Variants in SOX6 observed in about 807,000 individuals in gnomAD.
SOX6 encodes the protein SRY-box transcription factor 6.
SOX6 carries 11 observed loss-of-function variants against 97.8 expected under a neutral mutation model. The ratio of observed to expected loss-of-function variants is 0.11; its 90% confidence interval spans 0.07 to 0.19. The LOEUF is 0.19. Among genes scored for constraint, SOX6 ranks in the 10% least tolerant of loss-of-function variants. The pLI is 1.00. For missense variants in SOX6, 810 were observed against 1,039.5 expected (o/e 0.78, Z 3.04); for synonymous variants, 360 against 371.4 (o/e 0.97, Z 0.35).
chr11:16,550,593 AT>A (rs1847672573), intron 4 of SOX6, among the ~76,000 whole-genome samples: 1 of 152,162 alleles, frequency 6.6e-6, no homozygotes, highest in Admixed American at 6.5e-5. Flanking sequence ...ATTGCTCTAA[AT>A]TATACCTTAA....
At chr11:16,578,241 G>A (rs559669296) in intron 4 of SOX6, among the ~76,000 whole-genome samples, 2 of 152,154 alleles carry the variant, frequency 1.3e-5, no homozygotes, top group South Asian at 4.1e-4. Flanking sequence ...TTTAAGAAGT[G>A]ATTTACTTGT....
intron 4 of SOX6, among the ~76,000 whole-genome samples, chr11:16,515,046 C>A (rs377473234): frequency 6.6e-6 from 1 of 151,280 alleles, no homozygotes; most frequent in African/African-American, 2.4e-5. Context: ...ATTTATAGTC[C>A]TTTGGGTATA....
intron 1 of SOX6, among the ~76,000 whole-genome samples, chr11:16,424,989 A>G (rs1320609001): frequency 3.3e-5 from 5 of 152,222 alleles, no homozygotes; most frequent in African/African-American, 1.2e-4. Context: ...CAAAGAAAAA[A>G]AACTTCCAGG....
At chr11:16,037,268 G>C (rs1855543639) in intron 12 of SOX6, among the ~76,000 whole-genome samples, 1 of 152,130 alleles carries the variant, frequency 6.6e-6, no homozygotes, top group Non-Finnish European at 1.5e-5. Context: ...ATTTAATTTG[G>C]AGGTTGGGAA....
chr11:16,132,505 A>AGAAAGCAAGCAAGCAAGC (rs1554934088), intron 6 of SOX6, among the ~76,000 whole-genome samples: 3 of 86,152 alleles, frequency 3.5e-5, no homozygotes, highest in African/African-American at 1.2e-4. Flanking sequence ...AGAAAGAAAG[A>AGAAAGCAAGCAAGCAAGC]AAGCTTATCT....
At chr11:16,494,351 G>C (rs1339577635) in intron 4 of SOX6, among the ~76,000 whole-genome samples, 2 of 151,960 alleles carry the variant, frequency 1.3e-5, no homozygotes, top group Admixed American at 1.3e-4. Flanking sequence ...ACTCCAGCCT[G>C]GGCCACAAAG....
At chr11:16,228,219 A>AC (rs199564871) in intron 4 of SOX6, among the ~76,000 whole-genome samples, 1,680 of 151,276 alleles carry the variant, frequency 0.011, 16 homozygotes, top group Non-Finnish European at 0.018. Flanking sequence ...AAAAAATGAG[A>AC]CCCCAACTGG....
intron 6 of SOX6, among the ~76,000 whole-genome samples, chr11:16,128,246 T>C (rs1849655522): frequency 6.6e-6 from 1 of 152,210 alleles, no homozygotes; most frequent in Non-Finnish European, 1.5e-5. Flanking sequence ...ATGTGGACTT[T>C]GGTTTATATT....
At chr11:16,339,298 G>C (rs1461728065) in intron 2 of SOX6, among the ~76,000 whole-genome samples, 1 of 151,996 alleles carries the variant, frequency 6.6e-6, no homozygotes, top group Non-Finnish European at 1.5e-5. Flanking sequence ...CCAAGGTCCT[G>C]TTTGATATAG....
chr11:16,026,155 T>C (rs1030418317), intron 12 of SOX6, among the ~76,000 whole-genome samples: 1 of 152,186 alleles, frequency 6.6e-6, no homozygotes, highest in African/African-American at 2.4e-5. Flanking sequence ...ATCTCCATGG[T>C]TTCTTCCAGC....
chr11:16,629,841 T>C lies in SOX6; in HGVS notation n.430-17581A>G, dbSNP rs1222886305. On this transcript the variant is annotated intron_variant and non_coding_transcript_variant, in intron 3 of 5. Transcript: ENST00000524520. The stretch of plus-strand genomic sequence containing the variant: ...TCAATCATGGGAGGTTGTGTGTTTC[T>C]GGTAATTTATCAATTTCCTCTAGAT... Among the ~76,000 whole-genome samples the C allele has an allele frequency of 5.9e-5, 9 of 152,282 alleles. No individual in the cohort carries two copies. In the South Asian group the frequency reaches 1.9e-3, roughly 32 times the overall value.
At chr11:16,616,495 T>A (rs10832653) in intron 3 of SOX6, among the ~76,000 whole-genome samples, 65,918 of 151,802 alleles carry the variant, frequency 0.43, 15,262 homozygotes, top group East Asian at 0.85. Flanking sequence ...GTATTTTTTT[T>A]AACATTACAA....
At chr11:16,076,611 C>CTGTACAGGA (rs1848358398) in intron 9 of SOX6, among the ~76,000 whole-genome samples, 1 of 151,856 alleles carries the variant, frequency 6.6e-6, no homozygotes, top group East Asian at 1.9e-4. Flanking sequence ...GTTCTGCAGG[C>CTGTACAGGA]TGTACAGGAA....
intron 1 of SOX6, among the ~76,000 whole-genome samples, chr11:16,412,113 T>C (rs1409162679): frequency 6.6e-6 from 1 of 152,202 alleles, no homozygotes; most frequent in Non-Finnish European, 1.5e-5. Context: ...AGAAATTCTA[T>C]AAATTTATTC....
chr11:16,262,229 A>G (rs1853922959), intron 3 of SOX6, among the ~76,000 whole-genome samples: 1 of 152,078 alleles, frequency 6.6e-6, no homozygotes, highest in Non-Finnish European at 1.5e-5. Flanking sequence ...TCTTACTACT[A>G]AATGGCAAGT....
At chr11:16,417,972 C>A (rs775721619) in intron 1 of SOX6, among the ~76,000 whole-genome samples, 2 of 152,194 alleles carry the variant, frequency 1.3e-5, no homozygotes, top group Non-Finnish European at 2.9e-5. Flanking sequence ...CCTGATGCTA[C>A]AGCTTTTAAA....
chr11:16,572,899 T>C (rs1253390827), intron 4 of SOX6, among the ~76,000 whole-genome samples: 1 of 152,176 alleles, frequency 6.6e-6, no homozygotes, highest in African/African-American at 2.4e-5. Flanking sequence ...CAAGCAGAGA[T>C]AAAGCAGATA....
chr11:16,107,408 TATATATATAC>T (rs1483213274), intron 7 of SOX6, among the ~76,000 whole-genome samples: 407 of 144,686 alleles, frequency 2.8e-3, no homozygotes, highest in South Asian at 9.4e-3. Flanking sequence ...TATATATGTA[TATATATATAC>T]ATATATATAC....
At chr11:16,546,267 A>T (rs1295196004) in intron 4 of SOX6, among the ~76,000 whole-genome samples, 2 of 152,202 alleles carry the variant, frequency 1.3e-5, no homozygotes, top group Non-Finnish European at 2.9e-5. Context: ...TAAAATGACC[A>T]TACTACCCAA....
Sources: gnomAD v4.1 joint callset for allele counts (sites outside exome capture counted in the v4.1 genomes callset) on GRCh38, gnomAD v4.1.1 for gene constraint, MANE v1.5 for transcripts, NCBI Gene and HGNC (gene_info 2026-07-23, HGNC 2026-07-21) for gene names.